RBAK: variants seen among roughly 807,000 people sequenced by gnomAD.
The protein encoded by RBAK is RB-associated KRAB zinc finger protein.
RBAK carries 39 observed loss-of-function variants against 65.8 expected under a neutral mutation model. That is an observed-to-expected ratio of 0.59 (90% confidence interval 0.46 to 0.77). The LOEUF (loss-of-function observed/expected upper bound fraction) is 0.77. Among genes scored for constraint, RBAK ranks in the 30% least tolerant of loss-of-function variants. The probability of loss-of-function intolerance (pLI) is 0.00; values close to 1 mark genes in which losing one functional copy is unlikely to be tolerated. For synonymous variants in RBAK, 343 were observed against 289.7 expected (o/e 1.18, Z -1.87); for missense variants, 884 against 855.1 (o/e 1.03, Z -0.42).
chr7:5,048,180 T>TG lies in RBAK; in HGVS notation c.15+89_15+90insG, dbSNP rs1167914596. The TG allele has an allele frequency of 9.8e-5, 151 of 1,547,086 alleles. No homozygotes were observed. The highest frequency in any genetic ancestry group is 1.1e-4 in the African/African-American group (8 of 71,740). On this transcript the variant is annotated intron_variant, in intron 2 of 4. Coordinates refer to ENST00000396912, the MANE Select transcript of RBAK (RefSeq NM_021163.4). The surrounding 1 kb of genome is among the most constrained non-coding windows in gnomAD (Gnocchi z 4.4). ...GTAAGGATTCTTACCTTTTTTTTTT[T>TG]CTTTTTTTTTGAGATGGAGTCTTGC...
chr7:5,058,572 G>A (rs1439334408), intron 4 of RBAK, among the ~76,000 whole-genome samples: 10 of 152,110 alleles, frequency 6.6e-5, no homozygotes, highest in Admixed American at 6.5e-4. Flanking sequence ...CTTGTGAACT[G>A]AGTCACAGCT....
At chr7:5,058,921 C>CT (rs1276515618) in intron 4 of RBAK, among the ~76,000 whole-genome samples, 15 of 152,212 alleles carry the variant, frequency 9.9e-5, no homozygotes, top group African/African-American at 2.9e-4. Context: ...ATTGATACGT[C>CT]TGACACTTTT....
chr7:5,060,194 A>G (rs541375531), intron 4 of RBAK, among the ~76,000 whole-genome samples: 2 of 152,302 alleles, frequency 1.3e-5, no homozygotes, highest in South Asian at 2.1e-4. Flanking sequence ...TTATAATGCA[A>G]CATACAGTAG....
chr7:5,067,968 G>A lies in RBAK; in HGVS notation c.*2367G>A, dbSNP rs751070826. ...AAATCTTAGGACAGTTTGTAATCTTGGAGTAAGCAAAGGTTTATTGAGACC... is the reference window on the plus strand; with the variant it reads ...AAATCTTAGGACAGTTTGTAATCTTAGAGTAAGCAAAGGTTTATTGAGACC... On this transcript the variant is annotated 3_prime_UTR_variant, in exon 5 of 5. Transcript: ENST00000396912. The A allele has an allele frequency of 2.6e-5, 4 of 152,138 alleles. No homozygotes were observed. Among genetic ancestry groups the A allele is most frequent in the Non-Finnish European group, 4.4e-5 (3 of 68,024 alleles). The allele number at this position is 152,138 out of a possible 1,614,324, so 9.4% of individuals were successfully genotyped here.
At chr7:5,055,433 C>T (rs766640850) in intron 2 of RBAK, among the ~76,000 whole-genome samples, 2 of 152,044 alleles carry the variant, frequency 1.3e-5, no homozygotes, top group Non-Finnish European at 2.9e-5. Flanking sequence ...AAGTATCCAT[C>T]AGTTTCTATT....
At chr7:5,059,626 C>A (rs1261042438) in intron 4 of RBAK, among the ~76,000 whole-genome samples, 1 of 152,148 alleles carries the variant, frequency 6.6e-6, no homozygotes, top group African/African-American at 2.4e-5. Context: ...TACATTTGAA[C>A]TGAAAAGGTT....
chr7:5,063,610 A>G (rs1306726936), intron 4 of RBAK, 85 bp from the exon 5 acceptor site: 2 of 1,107,166 alleles, frequency 1.8e-6, no homozygotes, highest in African/African-American at 3.2e-5. Flanking sequence ...AGTCAACCCC[A>G]CAATGGGGGC....
rs1225587128 is a variant in RBAK at position 5,057,794 on chromosome 7, T to A, written c.238+15T>A. The stretch of plus-strand genomic sequence containing the variant: ...ACATAGTCCAGGTAAGTTAGTAGCG[T>A]ATCAAAGGTTAAAAAATGCTCATCC... On this transcript the variant is annotated intron_variant, in intron 4 of 4. Transcript: ENST00000396912. The A allele has an allele frequency of 6.2e-7, 1 of 1,613,746 alleles. No individual in the cohort carries two copies. The highest frequency in any genetic ancestry group is 8.5e-7 in the Non-Finnish European group (1 of 1,179,716).
rs1235882122 is a variant in RBAK at position 5,045,863 on chromosome 7, G to T, written c.-578G>T. 3 of 334,772 alleles carry T rather than the reference G, an allele frequency of 9.0e-6. No individual in the cohort carries two copies. The highest frequency in any genetic ancestry group is 1.5e-4 in the East Asian group (1 of 6,818). 20.7% of individuals were successfully genotyped at this position (334,772 alleles called of 1,614,324 possible). A position where few individuals can be genotyped will look rare whatever the true frequency, so the allele number is the denominator to read the frequency against. ...CGCGCATGCGCGCCGCCGCTGCACT[G>T]CCCTCGCTTCCTGTGCGTCCTCAGG... On this transcript the variant is annotated 5_prime_UTR_variant, in exon 1 of 5. Coordinates refer to ENST00000396912, the MANE Select transcript of RBAK (RefSeq NM_021163.4).
In RBAK at chr7:5,065,767, G is replaced by A. The variant is rs1019265641; in HGVS notation, c.*166G>A. On this transcript the variant is annotated 3_prime_UTR_variant, in exon 5 of 5. Coordinates refer to ENST00000396912, the MANE Select transcript of RBAK (RefSeq NM_021163.4). The surrounding 1 kb of genome is among the most constrained non-coding windows in gnomAD (Gnocchi z 5.3). ...TTCACAGAGAAGAATCCCGAAGAATGTAACAAGAAGCAAAGCCTTCAGCAA... is the reference window on the plus strand; with the variant it reads ...TTCACAGAGAAGAATCCCGAAGAATATAACAAGAAGCAAAGCCTTCAGCAA... 2 of 461,368 alleles carry A rather than the reference G, an allele frequency of 4.3e-6. No homozygotes were observed. Among genetic ancestry groups the A allele is most frequent in the African/African-American group, 2.0e-5 (1 of 49,570 alleles). The allele number at this position is 461,368 out of a possible 1,614,324, so 28.6% of individuals were successfully genotyped here.
chr7:5,053,757 C>G (rs1788165611), intron 2 of RBAK, among the ~76,000 whole-genome samples: 1 of 152,188 alleles, frequency 6.6e-6, no homozygotes, highest in East Asian at 1.9e-4. Flanking sequence ...GTATAATTTT[C>G]ATCTCAGATA....
chr7:5,051,709 G>T (rs1013083068), intron 2 of RBAK, among the ~76,000 whole-genome samples: 1 of 152,172 alleles, frequency 6.6e-6, no homozygotes, highest in African/African-American at 2.4e-5. Context: ...TATTATAGAA[G>T]TCTTTAAATT....
intron 4 of RBAK, among the ~76,000 whole-genome samples, chr7:5,063,333 A>G (rs1393588396): frequency 6.6e-6 from 1 of 152,176 alleles, no homozygotes; most frequent in Non-Finnish European, 1.5e-5. Flanking sequence ...CGTACTTTCA[A>G]CCACTTCTCT....
intron 1 of RBAK, 72 bp from the exon 2 acceptor site, chr7:5,047,961 C>G: frequency 1.3e-6 from 1 of 752,498 alleles, no homozygotes. Context: ...TTTTGTGGTT[C>G]TTACGCAGGA....
chr7:5,053,980 C>T (rs1788170283), intron 2 of RBAK, among the ~76,000 whole-genome samples: 1 of 152,200 alleles, frequency 6.6e-6, no homozygotes, highest in Non-Finnish European at 1.5e-5. Flanking sequence ...AACTCTTACA[C>T]CTCACATCTG....
chr7:5,063,584 T>C lies in RBAK; in HGVS notation c.239-111T>C, dbSNP rs1304237535. ...TTGTAATTATTTTTATTTATGGAGA[T>C]TGGCTCTAAAGCCAGAGTCAACCCC... is the stretch of plus-strand genomic sequence containing the variant. On this transcript the variant is annotated intron_variant, in intron 4 of 4. Transcript: ENST00000396912. 3 of 778,004 alleles carry C rather than the reference T, an allele frequency of 3.9e-6. No individual in the cohort carries two copies. The African/African-American group carries it at 5.3e-5, about 14-fold the overall frequency. The allele number at this position is 778,004 out of a possible 1,614,324, so 48.2% of individuals were successfully genotyped here.
intron 4 of RBAK, among the ~76,000 whole-genome samples, chr7:5,059,538 A>G (rs1349455732): frequency 6.6e-6 from 1 of 152,078 alleles, no homozygotes; most frequent in Non-Finnish European, 1.5e-5. Flanking sequence ...ACAATTTACC[A>G]TCATAACCAT....
chr7:5,051,695 A>G (rs1057368535), intron 2 of RBAK, among the ~76,000 whole-genome samples: 4 of 152,208 alleles, frequency 2.6e-5, no homozygotes, highest in African/African-American at 9.7e-5. Flanking sequence ...ATACAGGCCA[A>G]TGATATTATA....
chr7:5,045,970 G>C lies in RBAK; in HGVS notation c.-471G>C, dbSNP rs1562530836. ...CTGCGGGGCTGGAGGTTGAGCGCCC[G>C]GGCCAGCACCTAGGCGGGCGCGGGG... On this transcript the variant is annotated 5_prime_UTR_variant, in exon 1 of 5. Coordinates refer to ENST00000396912, the MANE Select transcript of RBAK (RefSeq NM_021163.4). 3.3e-6 allele frequency: 1 copy of C among 306,374 alleles called. No homozygotes were observed. The highest frequency in any genetic ancestry group is 6.1e-6 in the Non-Finnish European group (1 of 163,858). 19.0% of individuals were successfully genotyped at this position (306,374 alleles called of 1,614,324 possible).
Sources: allele counts gnomAD v4.1 joint callset (sites outside exome capture counted in the v4.1 genomes callset), GRCh38; gene constraint gnomAD v4.1.1; non-coding constraint Gnocchi (gnomAD v3.1); transcripts MANE v1.5; gene names NCBI Gene and HGNC (gene_info 2026-07-23, HGNC 2026-07-21).